Variants in CHL1 observed in about 807,000 individuals in gnomAD.
CHL1 encodes the protein neural cell adhesion molecule L1-like protein.
CHL1 carries 96 observed loss-of-function variants against 141.9 expected under a neutral mutation model. That is an observed-to-expected ratio of 0.68 (90% CI 0.57 to 0.80). The LOEUF (loss-of-function observed/expected upper bound fraction) is 0.80, where lower values mean the gene tolerates loss of function less well. Among genes scored for constraint, CHL1 ranks in the 30% least tolerant of loss-of-function variants. The pLI is 0.00. For missense variants in CHL1, 1,820 were observed against 1,457.2 expected (o/e 1.25, Z -4.05); for synonymous variants, 613 against 502.2 (o/e 1.22, Z -2.95).
intron 1 of CHL1, among the ~76,000 whole-genome samples, chr3:216,502 C>T (rs1289357255): frequency 6.6e-6 from 1 of 152,124 alleles, no homozygotes; most frequent in Non-Finnish European, 1.5e-5. Context: ...AAAGACTAGC[C>T]TTTGAACCCT....
At chr3:318,817 G>A (rs1700329638) in intron 2 of CHL1, among the ~76,000 whole-genome samples, 1 of 151,434 alleles carries the variant, frequency 6.6e-6, no homozygotes, top group Admixed American at 6.6e-5. Context: ...AAAAATCATT[G>A]ATGTATTTGT....
chr3:325,454 A>G (rs59860771), intron 3 of CHL1, among the ~76,000 whole-genome samples: 2,394 of 141,332 alleles, frequency 0.017, 55 homozygotes, highest in African/African-American at 0.059. Context: ...TTACCTGGAA[A>G]GAAAAAAAAT....
At chr3:322,562 C>T (rs1020697123) in intron 3 of CHL1, among the ~76,000 whole-genome samples, 1 of 148,928 alleles carries the variant, frequency 6.7e-6, no homozygotes, top group African/African-American at 2.5e-5. Flanking sequence ...AATTGCGGCA[C>T]TTTGGGAGGC....
At chr3:368,321 T>G (rs1168425667) in intron 15 of CHL1, among the ~76,000 whole-genome samples, 1 of 152,192 alleles carries the variant, frequency 6.6e-6, no homozygotes, top group East Asian at 1.9e-4. Context: ...CTCATTGTGG[T>G]TTTCATTTGC....
At chr3:273,218 G>A (rs6803019) in intron 2 of CHL1, among the ~76,000 whole-genome samples, 6,846 of 152,214 alleles carry the variant, frequency 0.045, 467 homozygotes, top group African/African-American at 0.16. Context: ...GTTGGCATCA[G>A]TGAGTGTGCG....
At chr3:240,196 T>C (rs934049668) in intron 1 of CHL1, among the ~76,000 whole-genome samples, 1 of 152,234 alleles carries the variant, frequency 6.6e-6, no homozygotes, top group Non-Finnish European at 1.5e-5. Flanking sequence ...GTTGTGCTAG[T>C]TGACATTCTC....
intron 15 of CHL1, among the ~76,000 whole-genome samples, chr3:368,367 CAT>C (rs1705176788): frequency 1.3e-5 from 2 of 152,178 alleles, no homozygotes; most frequent in Admixed American, 6.5e-5. Context: ...AGCTTTTTTT[CAT>C]ATGTTTGTTG....
intron 2 of CHL1, among the ~76,000 whole-genome samples, chr3:279,631 T>C (rs2125287477): frequency 6.6e-6 from 1 of 152,216 alleles, no homozygotes; most frequent in East Asian, 1.9e-4. Context: ...GTATAAACAT[T>C]AGTCCTTGTT....
chr3:304,152 T>C (rs1046374274), intron 2 of CHL1, among the ~76,000 whole-genome samples: 12 of 152,232 alleles, frequency 7.9e-5, no homozygotes, highest in Admixed American at 7.2e-4. Context: ...TAGTATTTTA[T>C]TGAGGATTTT....
At chr3:393,740 A>G (rs1281439944) in intron 23 of CHL1, among the ~76,000 whole-genome samples, 1 of 152,036 alleles carries the variant, frequency 6.6e-6, no homozygotes, top group East Asian at 1.9e-4. Flanking sequence ...TTTTCAATTG[A>G]CTTTGTGGTC....
At chr3:309,099 C>CGTTTTGCG (rs1483026319) in intron 2 of CHL1, 1 of 152,282 alleles carries the variant, frequency 6.6e-6, no homozygotes, top group Non-Finnish European at 1.5e-5. Context: ...CAGCGACCCT[C>CGTTTTGCG]GTTTTGCGAG....
At chr3:222,272 T>C (rs1449101889) in intron 1 of CHL1, among the ~76,000 whole-genome samples, 1 of 152,174 alleles carries the variant, frequency 6.6e-6, no homozygotes, top group Non-Finnish European at 1.5e-5. Flanking sequence ...TCTGTTTACT[T>C]GCCTTTTTTT....
At chr3:262,978 G>T (rs1260816495) in intron 2 of CHL1, among the ~76,000 whole-genome samples, 4 of 152,170 alleles carry the variant, frequency 2.6e-5, no homozygotes, top group African/African-American at 7.2e-5. Context: ...GCTTCCTAAT[G>T]ACCTTGTTTA....
At chr3:362,854 T>C (rs992019622) in intron 13 of CHL1, among the ~76,000 whole-genome samples, 1 of 152,212 alleles carries the variant, frequency 6.6e-6, no homozygotes, top group Non-Finnish European at 1.5e-5. Flanking sequence ...CATTATCTCT[T>C]TCAATTACTA....
At chr3:330,300 T>G (rs918846468) in intron 5 of CHL1, among the ~76,000 whole-genome samples, 24 of 152,118 alleles carry the variant, frequency 1.6e-4, no homozygotes, top group African/African-American at 4.8e-4. Flanking sequence ...CAGTGAAAAC[T>G]CTACATAACA....
At chr3:397,039 C>G (rs7652221) in intron 24 of CHL1, among the ~76,000 whole-genome samples, 130,681 of 152,116 alleles carry the variant, frequency 0.86, 58,945 homozygotes, top group East Asian at 1. Flanking sequence ...GTATTTTTCT[C>G]TGATTGTTTT....
intron 1 of CHL1, among the ~76,000 whole-genome samples, chr3:236,408 A>T (rs968968596): frequency 6.6e-6 from 1 of 152,116 alleles, no homozygotes; most frequent in Non-Finnish European, 1.5e-5. Context: ...TCAGCCTTCT[A>T]TAGGGAAGGG....
intron 10 of CHL1, among the ~76,000 whole-genome samples, chr3:354,296 A>G (rs1703512513): frequency 6.6e-6 from 1 of 152,134 alleles, no homozygotes; most frequent in Non-Finnish European, 1.5e-5. Flanking sequence ...TGAGCTCTAA[A>G]TAAACTCACC....
At chr3:227,084 C>A (rs1314694728) in intron 1 of CHL1, among the ~76,000 whole-genome samples, 3 of 152,150 alleles carry the variant, frequency 2.0e-5, no homozygotes, top group African/African-American at 7.2e-5. Context: ...TTGATTTCAA[C>A]AGGTTTAAGA....
Sources: allele counts gnomAD v4.1 joint callset (sites outside exome capture counted in the v4.1 genomes callset), GRCh38; gene constraint gnomAD v4.1.1; transcripts MANE v1.5; gene names NCBI Gene and HGNC (gene_info 2026-07-23, HGNC 2026-07-21).